Variants in RYR2 observed in about 807,000 individuals in gnomAD.
The protein encoded by RYR2 is cardiac muscle ryanodine receptor-calcium release channel.
In RYR2, 227 loss-of-function variants were observed where a neutral mutation model predicts 601.1. The observed-to-expected ratio is 0.38, with a 90% CI of 0.34 to 0.42. RYR2 has a LOEUF of 0.42. RYR2 is among the 10% of genes least tolerant of loss of function. RYR2 has a pLI of 1.00. For missense variants in RYR2, 4,646 were observed against 6,156.5 expected (o/e 0.75, Z 8.21); for synonymous variants, 2,223 against 2,175.1 (o/e 1.02, Z -0.61).
intron 33 of RYR2, among the ~76,000 whole-genome samples, chr1:237,594,560 A>G (rs1675589963): frequency 6.6e-6 from 1 of 152,140 alleles, no homozygotes; most frequent in Admixed American, 6.5e-5. Flanking sequence ...TAAGTAAAGA[A>G]CTCAATATAG....
At chr1:237,830,744 A>C (rs1663680598) in intron 103 of RYR2, 114 bp downstream of exon 103, 1 of 604,446 alleles carries the variant, frequency 1.7e-6, no homozygotes, top group Non-Finnish European at 3.0e-6. Context: ...ATTGCTGCAG[A>C]TACTTTAAAA....
chr1:237,331,724 C>T (rs1276089470), intron 3 of RYR2, among the ~76,000 whole-genome samples: 2 of 151,354 alleles, frequency 1.3e-5, no homozygotes, highest in African/African-American at 2.4e-5. Flanking sequence ...CCATGTTGGC[C>T]AGGATGGTCT....
chr1:237,826,893 T>C (rs530561501), intron 101 of RYR2, among the ~76,000 whole-genome samples: 5 of 152,222 alleles, frequency 3.3e-5, no homozygotes, highest in South Asian at 2.1e-4. Flanking sequence ...CTGGAATCCA[T>C]CTATACCCAG....
Position 237,551,480 on chromosome 1 carries a change from G to A in RYR2, c.3214+789G>A, listed in dbSNP as rs543322433. On this transcript the variant is annotated intron_variant, in intron 27 of 104. Coordinates refer to ENST00000366574, the MANE Select transcript of RYR2 (RefSeq NM_001035.3). The stretch of plus-strand genomic sequence containing the variant: ...CGGGAGGCAGAGCTTGCAGTGAGCC[G>A]AGATGGCGCCACTGCACTCCAGCCT... Among the ~76,000 whole-genome samples, 18 of 142,362 alleles carry A rather than the reference G, an allele frequency of 1.3e-4. No individual in the cohort carries two copies. The East Asian group carries it at 1.7e-3, about 13-fold the overall frequency. The allele number at this position is 142,362 out of a possible 152,430, so 93.4% of individuals were successfully genotyped here.
chr1:237,397,862 C>G (rs1174877482), intron 10 of RYR2, among the ~76,000 whole-genome samples: 1 of 151,980 alleles, frequency 6.6e-6, no homozygotes, highest in Non-Finnish European at 1.5e-5. Context: ...GCTGGGACTA[C>G]AGGCACCCAC....
At chr1:237,211,319 G>T (rs1453145560) in intron 1 of RYR2, among the ~76,000 whole-genome samples, 1 of 152,180 alleles carries the variant, frequency 6.6e-6, no homozygotes. Context: ...TTATCAATGT[G>T]CTCTGCAGTG....
At chr1:237,266,229 T>C (rs1006364908) in intron 1 of RYR2, among the ~76,000 whole-genome samples, 3 of 152,158 alleles carry the variant, frequency 2.0e-5, no homozygotes, top group African/African-American at 7.2e-5. Flanking sequence ...CAGGAAGACA[T>C]ACTTTAATTA....
At chr1:237,399,470 A>G (rs1382923553) in intron 10 of RYR2, among the ~76,000 whole-genome samples, 1 of 152,084 alleles carries the variant, frequency 6.6e-6, no homozygotes, top group Admixed American at 6.6e-5. Flanking sequence ...GTGATGGTGA[A>G]CCCAGTGTTG....
intron 3 of RYR2, among the ~76,000 whole-genome samples, chr1:237,350,602 A>AATATGTAT (rs1698731457): frequency 2.7e-5 from 1 of 37,008 alleles, no homozygotes; most frequent in African/African-American, 1.0e-4. Flanking sequence ...AAAAAAAAAA[A>AATATGTAT]ATATATATAT....
chr1:237,423,354 C>A, intron 12 of RYR2, 106 bp downstream of exon 12: 2 of 1,269,580 alleles, frequency 1.6e-6, no homozygotes, highest in Non-Finnish European at 2.2e-6. Flanking sequence ...GTAAGTATGT[C>A]TTATGTGTAT....
rs768394710 is a variant in RYR2 at position 237,355,960 on chromosome 1, C to A, written c.274-5C>A. 1.2e-6 allele frequency: 2 copies of A among 1,601,732 alleles called. No individual in the cohort carries two copies. The highest frequency in any genetic ancestry group is 1.7e-6 in the Non-Finnish European group (2 of 1,173,554). On this transcript the variant is annotated splice_region_variant and splice_polypyrimidine_tract_variant and intron_variant, in intron 3 of 104. Transcript: ENST00000366574. ...GTTATTTATTTTGGCTTTTTCTTTC[C>A]ACAGCAAGTTGATGTGGAAAAATGG...
intron 16 of RYR2, among the ~76,000 whole-genome samples, chr1:237,459,069 T>C (rs1328980824): frequency 6.6e-6 from 1 of 152,242 alleles, no homozygotes; most frequent in Non-Finnish European, 1.5e-5. Flanking sequence ...GAGATAAAGA[T>C]TTTGTGTTGC....
chr1:237,128,736 A>G (rs780652215), intron 1 of RYR2, among the ~76,000 whole-genome samples: 4 of 152,190 alleles, frequency 2.6e-5, no homozygotes, highest in Non-Finnish European at 4.4e-5. Flanking sequence ...CCAAAATACA[A>G]TCACAGAGAA....
intron 100 of RYR2, among the ~76,000 whole-genome samples, chr1:237,817,427 T>A (rs1661955074): frequency 6.6e-6 from 1 of 152,096 alleles, no homozygotes; most frequent in African/African-American, 2.4e-5. Context: ...CCACAAATGA[T>A]TTGAGGACTT....
In RYR2 at chr1:237,099,735, G is replaced by C. The variant is rs535798006; in HGVS notation, c.48+57166G>C. On this transcript the variant is annotated intron_variant, in intron 1 of 104. Coordinates refer to ENST00000366574, the MANE Select transcript of RYR2 (RefSeq NM_001035.3). Reference sequence around the variant, plus strand: ...TACATTTTGAAACAAAAGTTTTAGTGTTTATTTGGGGCAGTGGAAAAAGAA... The same window carrying C: ...TACATTTTGAAACAAAAGTTTTAGTCTTTATTTGGGGCAGTGGAAAAAGAA... Among the ~76,000 whole-genome samples the C allele has an allele frequency of 3.3e-5, 5 of 152,154 alleles. No individual in the cohort carries two copies. The East Asian group carries it at 7.7e-4, about 23-fold the overall frequency.
chr1:237,324,202 A>G (rs1695923340), intron 2 of RYR2, among the ~76,000 whole-genome samples: 1 of 152,142 alleles, frequency 6.6e-6, no homozygotes, highest in African/African-American at 2.4e-5. Context: ...ATACAACACC[A>G]TGGTTTTTTT....
At chr1:237,712,798 AT>A (rs1031575354) in intron 71 of RYR2, among the ~76,000 whole-genome samples, 2 of 152,150 alleles carry the variant, frequency 1.3e-5, no homozygotes, top group African/African-American at 4.8e-5. Context: ...AGTAGCTTCC[AT>A]TTAAAGCATT....
intron 14 of RYR2, among the ~76,000 whole-genome samples, chr1:237,452,135 C>T (rs1243513283): frequency 6.8e-6 from 1 of 146,884 alleles, no homozygotes; most frequent in Non-Finnish European, 1.5e-5. Context: ...AATAGTAATA[C>T]TCATGAGCAT....
In RYR2 at chr1:237,700,602, G is replaced by A. The variant is rs547557271; in HGVS notation, c.9367+135G>A. ...TAAAATGCCTTTTTTATTGCAAAACGTTATAGGTTGACATTTGTGTGATAG... is the reference window on the plus strand; with the variant it reads ...TAAAATGCCTTTTTTATTGCAAAACATTATAGGTTGACATTTGTGTGATAG... On this transcript the variant is annotated intron_variant, in intron 65 of 104. Coordinates refer to ENST00000366574, the MANE Select transcript of RYR2 (RefSeq NM_001035.3). 1.2e-5 allele frequency: 7 copies of A among 605,912 alleles called. No homozygotes were observed. In the Admixed American group the frequency reaches 1.2e-4, roughly 10 times the overall value. 37.5% of individuals were successfully genotyped at this position (605,912 alleles called of 1,614,324 possible).
Sources: allele counts gnomAD v4.1 joint callset (sites outside exome capture counted in the v4.1 genomes callset), GRCh38; gene constraint gnomAD v4.1.1; transcripts MANE v1.5; gene names NCBI Gene and HGNC (gene_info 2026-07-23, HGNC 2026-07-21).